Variants in ELF2 observed in about 807,000 individuals in gnomAD.
ELF2 encodes the protein E74 like ETS transcription factor 2.
ELF2 carries 11 observed loss-of-function variants against 54.8 expected under a neutral mutation model. That is an observed-to-expected ratio of 0.20 (90% CI 0.13 to 0.33). ELF2 has a LOEUF of 0.33. Among genes scored for constraint, ELF2 ranks in the 10% least tolerant of loss-of-function variants. ELF2 has a pLI of 1.00. For missense variants in ELF2, 513 were observed against 703.0 expected (o/e 0.73, Z 3.06); for synonymous variants, 203 against 245.1 (o/e 0.83, Z 1.61).
At chr4:139,131,338 A>G (rs1737469520) in intron 3 of ELF2, among the ~76,000 whole-genome samples, 1 of 152,204 alleles carries the variant, frequency 6.6e-6, no homozygotes, top group Non-Finnish European at 1.5e-5. Flanking sequence ...AAAAACTTCC[A>G]TTTAAGGAGA....
intron 4 of ELF2, chr4:139,114,955 T>G: frequency 6.2e-7 from 1 of 1,613,562 alleles, no homozygotes; most frequent in South Asian, 1.1e-5. Flanking sequence ...TGTGCTCAGC[T>G]TCTGCATGCC....
intron 7 of ELF2, among the ~76,000 whole-genome samples, chr4:139,064,354 A>G (rs1434342334): frequency 6.6e-6 from 1 of 152,222 alleles, no homozygotes; most frequent in Non-Finnish European, 1.5e-5. Context: ...GACGAAAAAG[A>G]TAGGTCATCT....
At chr4:139,098,563 G>A (rs1473381954) in intron 4 of ELF2, among the ~76,000 whole-genome samples, 2 of 151,398 alleles carry the variant, frequency 1.3e-5, no homozygotes, top group African/African-American at 2.4e-5. Context: ...CCACCCTCCA[G>A]GTTCAAATGA....
At chr4:139,082,865 C>T (rs975387902) in intron 4 of ELF2, among the ~76,000 whole-genome samples, 1 of 152,254 alleles carries the variant, frequency 6.6e-6, no homozygotes, top group Admixed American at 6.5e-5. Context: ...AGGGCCCTCA[C>T]TGCGCTGTCT....
chr4:139,113,779 C>G (rs376545413), intron 4 of ELF2, among the ~76,000 whole-genome samples: 1 of 150,076 alleles, frequency 6.7e-6, no homozygotes, highest in South Asian at 2.1e-4. Flanking sequence ...CGCTTGAACC[C>G]GGGAGGCAGA....
At chr4:139,081,973 C>T (rs1731178988) in intron 4 of ELF2, among the ~76,000 whole-genome samples, 1 of 152,100 alleles carries the variant, frequency 6.6e-6, no homozygotes, top group African/African-American at 2.4e-5. Flanking sequence ...AGCTGGAAAA[C>T]AGCACTTTTT....
At position 139,058,847 on chromosome 4, in the gene ELF2, C is replaced by T; in HGVS notation, c.*136G>A. ...AAACATGGGATAGGTAATTTATTTCCAGTAAGTCTGATTGTTTTTGTATAT... is the reference window on the plus strand; with the variant it reads ...AAACATGGGATAGGTAATTTATTTCTAGTAAGTCTGATTGTTTTTGTATAT... On this transcript the variant is annotated 3_prime_UTR_variant, in exon 10 of 10. Transcript: ENST00000686138. 1.6e-6 allele frequency: 2 copies of T among 1,247,426 alleles called. No individual in the cohort carries two copies. The highest frequency in any genetic ancestry group is 2.5e-5 in the East Asian group (1 of 39,956). 77.3% of individuals were successfully genotyped at this position (1,247,426 alleles called of 1,614,324 possible).
chr4:139,142,659 C>G (rs1467082729), intron 1 of ELF2, among the ~76,000 whole-genome samples: 1 of 152,060 alleles, frequency 6.6e-6, no homozygotes, highest in Non-Finnish European at 1.5e-5. Flanking sequence ...ATGCAAACTA[C>G]TTTTGCACAA....
At chr4:139,145,092 A>G (rs1413382384) in intron 1 of ELF2, among the ~76,000 whole-genome samples, 4 of 152,256 alleles carry the variant, frequency 2.6e-5, no homozygotes, top group Admixed American at 2.6e-4. Context: ...AGTTTACTAC[A>G]GCAACTACAG....
intron 4 of ELF2, among the ~76,000 whole-genome samples, chr4:139,104,968 G>C (rs929544344): frequency 6.6e-6 from 1 of 152,058 alleles, no homozygotes; most frequent in Non-Finnish European, 1.5e-5. Context: ...TCGCAACTTA[G>C]TAAGCTTCTT....
chr4:139,102,796 ATG>A (rs1378689830), intron 4 of ELF2, among the ~76,000 whole-genome samples: 4 of 150,464 alleles, frequency 2.7e-5, no homozygotes, highest in East Asian at 2.0e-4. Flanking sequence ...AGCTGAGATC[ATG>A]CCACTGCACT....
chr4:139,115,061 T>C (rs1475782278), intron 4 of ELF2: 2 of 1,613,826 alleles, frequency 1.2e-6, no homozygotes, highest in South Asian at 2.2e-5. Context: ...GCATCGTCAC[T>C]CTCCATGTCC....
chr4:139,095,393 C>T (rs1733147723), intron 4 of ELF2, among the ~76,000 whole-genome samples: 1 of 152,028 alleles, frequency 6.6e-6, no homozygotes, highest in South Asian at 2.1e-4. Flanking sequence ...CCATGTTGGC[C>T]AGGCTGGTAT....
At chr4:139,092,475 G>A (rs1464762101) in intron 4 of ELF2, among the ~76,000 whole-genome samples, 1 of 88,286 alleles carries the variant, frequency 1.1e-5, no homozygotes, top group Admixed American at 1.1e-4. Context: ...ACATAACATA[G>A]GGCCGGGCGC....
intron 1 of ELF2, among the ~76,000 whole-genome samples, chr4:139,158,378 G>A (rs770278013): frequency 2.0e-5 from 3 of 152,160 alleles, no homozygotes; most frequent in Non-Finnish European, 4.4e-5. Flanking sequence ...TGACATTCCT[G>A]TCTTCTTATA....
At chr4:139,075,193 G>A (rs1730118139) in intron 4 of ELF2, among the ~76,000 whole-genome samples, 1 of 152,186 alleles carries the variant, frequency 6.6e-6, no homozygotes, top group African/African-American at 2.4e-5. Context: ...GTAAAACAAT[G>A]TGTACAGCAG....
intron 4 of ELF2, among the ~76,000 whole-genome samples, chr4:139,074,232 A>C (rs1387533262): frequency 6.6e-6 from 1 of 152,218 alleles, no homozygotes; most frequent in Non-Finnish European, 1.5e-5. Context: ...TTTTAGGCCA[A>C]TACTAACTTG....
At chr4:139,142,654 A>C (rs1738814752) in intron 1 of ELF2, among the ~76,000 whole-genome samples, 1 of 152,142 alleles carries the variant, frequency 6.6e-6, no homozygotes, top group African/African-American at 2.4e-5. Flanking sequence ...ATGTAATGCA[A>C]ACTACTTTTG....
At chr4:139,074,557 C>T (rs564588722) in intron 4 of ELF2, among the ~76,000 whole-genome samples, 2 of 151,850 alleles carry the variant, frequency 1.3e-5, no homozygotes, top group Non-Finnish European at 2.9e-5. Context: ...GTCAAGAGAT[C>T]GAGACCATCC....
Sources: allele counts gnomAD v4.1 joint callset (sites outside exome capture counted in the v4.1 genomes callset), GRCh38; gene constraint gnomAD v4.1.1; transcripts MANE v1.5; gene names NCBI Gene and HGNC (gene_info 2026-07-23, HGNC 2026-07-21).